MUC7: variants seen among roughly 807,000 people sequenced by gnomAD.
MUC7 encodes the protein mucin-7.
Under a neutral mutation model 2.5 loss-of-function variants are expected in MUC7, and 2 were observed. The ratio of observed to expected loss-of-function variants is 0.81; its 90% confidence interval spans 0.33 to 2.55. The LOEUF (loss-of-function observed/expected upper bound fraction) is 2.55. Among genes scored for constraint, MUC7 ranks in the 30% most tolerant of loss-of-function variants. The pLI, the probability that MUC7 is intolerant of heterozygous loss-of-function variation, is 0.11. For synonymous variants in MUC7, 133 were observed against 173.4 expected (o/e 0.77, Z 1.83); for missense variants, 408 against 455.6 (o/e 0.90, Z 0.95).
In MUC7 at chr4:70,482,640, A is replaced by G. The variant is rs897077331; in HGVS notation, c.*762A>G. On this transcript the variant is annotated 3_prime_UTR_variant, in exon 3 of 3. Transcript: ENST00000304887. ...CTGATTCTAGCCTCTGTGAACAACA[A>G]GAATATGTTTGTGTATGTTCACATG... The G allele has an allele frequency of 5.3e-5, 8 of 152,250 alleles. No individual in the cohort carries two copies. The highest frequency in any genetic ancestry group is 1.0e-4 in the Non-Finnish European group (7 of 68,046). The allele number at this position is 152,250 out of a possible 1,614,324, so 9.4% of individuals were successfully genotyped here.
upstream of MUC7, among the ~76,000 whole-genome samples, chr4:70,471,710 T>A (rs1051579626): frequency 6.6e-6 from 1 of 152,232 alleles, no homozygotes; most frequent in African/African-American, 2.4e-5. Flanking sequence ...TATTTAAAAA[T>A]TCAGTGTTGA....
rs548652385 is a variant in MUC7 at position 70,445,866 on chromosome 4, A to T, written c.-93+15179A>T. 9.8e-5 allele frequency among the ~76,000 whole-genome samples: 15 copies of T among 152,362 alleles called. 1 individual carries two copies. In the South Asian group the frequency reaches 3.1e-3, roughly 32 times the overall value. On this transcript the variant is annotated intron_variant, in intron 1 of 3. Transcript: ENST00000413702. ...TTCAAGGAGAATGAATGTACAACGG[A>T]ACAACTGCCAAGTTTCATCAGGAGC...
chr4:70,467,843 T>C (rs1412815692), upstream of MUC7, among the ~76,000 whole-genome samples: 2 of 152,160 alleles, frequency 1.3e-5, no homozygotes, highest in Non-Finnish European at 2.9e-5. Flanking sequence ...AAAGAGAAGA[T>C]GGTACCATTC....
chr4:70,453,509 C>T (rs1445136315), intron 1 of MUC7, among the ~76,000 whole-genome samples: 2 of 152,182 alleles, frequency 1.3e-5, no homozygotes, highest in African/African-American at 2.4e-5. Flanking sequence ...CTGGGACTCA[C>T]CCTTCAGGGC....
In MUC7 at chr4:70,464,625, C is replaced by G. The variant is rs1015542088; in HGVS notation, c.-92-7590C>G. ...TTTTCCCCTCACAGTGTAAAAAAAGCCACCAAGAGTTTGAACTGCATGGAG... is the reference window on the plus strand; with the variant it reads ...TTTTCCCCTCACAGTGTAAAAAAAGGCACCAAGAGTTTGAACTGCATGGAG... On this transcript the variant is annotated intron_variant, in intron 1 of 3. Transcript: ENST00000413702. 3.3e-5 allele frequency among the ~76,000 whole-genome samples: 5 copies of G among 152,102 alleles called. No homozygotes were observed. In the East Asian group the frequency reaches 9.7e-4, roughly 29 times the overall value.
chr4:70,451,317 G>A (rs991317475), intron 1 of MUC7, among the ~76,000 whole-genome samples: 1 of 152,184 alleles, frequency 6.6e-6, no homozygotes, highest in Non-Finnish European at 1.5e-5. Context: ...TGACTGCCAG[G>A]GCTAGGGCAG....
At chr4:70,435,030 T>C (rs908855730) in intron 1 of MUC7, among the ~76,000 whole-genome samples, 4 of 152,244 alleles carry the variant, frequency 2.6e-5, no homozygotes, top group Non-Finnish European at 5.9e-5. Context: ...AGTGAGTTTC[T>C]TAATCCTGAG....
intron 1 of MUC7, among the ~76,000 whole-genome samples, chr4:70,460,448 T>C (rs1352770329): frequency 1.4e-5 from 2 of 146,684 alleles, no homozygotes; most frequent in Non-Finnish European, 3.0e-5. Context: ...GTGAATAATA[T>C]ACATGAAAGT....
At chr4:70,445,217 A>G (rs1263253522) in intron 1 of MUC7, among the ~76,000 whole-genome samples, 1 of 152,122 alleles carries the variant, frequency 6.6e-6, no homozygotes, top group African/African-American at 2.4e-5. Flanking sequence ...AATGATCACA[A>G]CTGTGTCTGG....
At chr4:70,461,195 T>C (rs1734548351) in intron 1 of MUC7, among the ~76,000 whole-genome samples, 1 of 152,206 alleles carries the variant, frequency 6.6e-6, no homozygotes, top group Admixed American at 6.5e-5. Flanking sequence ...AGATGTTCTA[T>C]TTGAGGTGTG....
Position 70,481,524 on chromosome 4 carries a change from C to T in MUC7, c.780C>T (p.Val260=). The change falls in exon 3 of 3, where the codon GTC becomes GTT. Residue 260 remains valine, a synonymous_variant. Transcript: ENST00000304887. ...CAGCTCCACCAGAGACCACAGCTGTCCCACCCACACCTTCTGCAACTACCC... is the reference window on the plus strand; with the variant it reads ...CAGCTCCACCAGAGACCACAGCTGTTCCACCCACACCTTCTGCAACTACCC... ...SSSAPPETTA[V]PPTPSATTLD... The T allele has an allele frequency of 6.2e-7, 1 of 1,610,358 alleles. No homozygotes were observed. The highest frequency in any genetic ancestry group is 8.5e-7 in the Non-Finnish European group (1 of 1,179,228).
rs200899110 is a variant in MUC7 at position 70,481,056 on chromosome 4, C to T, written c.312C>T (p.Thr104=). The T allele has an allele frequency of 3.7e-6, 6 of 1,614,124 alleles. No homozygotes were observed. In the East Asian group the frequency reaches 1.1e-4, roughly 30 times the overall value. Residue 104 remains threonine, a synonymous_variant, in exon 3 of 3, where the codon ACC becomes ACT. Transcript: ENST00000304887. The part of the protein sequence containing the change: ...PDKNSSVVNP[T]LVATTQIPSV... Reference sequence around the variant, plus strand: ...AAAATAGCAGTGTGGTCAACCCTACCTTAGTGGCTACAACCCAAATTCCAT... The same window carrying T: ...AAAATAGCAGTGTGGTCAACCCTACTTTAGTGGCTACAACCCAAATTCCAT...
At chr4:70,431,462 T>G (rs1403896907) in intron 1 of MUC7, among the ~76,000 whole-genome samples, 2 of 152,080 alleles carry the variant, frequency 1.3e-5, no homozygotes, top group Non-Finnish European at 2.9e-5. Flanking sequence ...GAGCATATGA[T>G]TTTCATTCCT....
intron 1 of MUC7, among the ~76,000 whole-genome samples, chr4:70,445,952 A>G (rs905612033): frequency 2.0e-5 from 3 of 152,200 alleles, no homozygotes; most frequent in African/African-American, 7.2e-5. Context: ...CTGTATGTTC[A>G]AATGAATCAA....
intron 2 of MUC7, among the ~76,000 whole-genome samples, chr4:70,477,497 C>T (rs1735037772): frequency 6.6e-6 from 1 of 152,188 alleles, no homozygotes; most frequent in Non-Finnish European, 1.5e-5. Context: ...CTTCCTTCCT[C>T]AGAGAATTTG....
intron 1 of MUC7, among the ~76,000 whole-genome samples, chr4:70,464,851 G>A (rs536230017): frequency 7.2e-5 from 11 of 152,158 alleles, no homozygotes; most frequent in South Asian, 2.1e-4. Flanking sequence ...CCCGCCTGCC[G>A]GCTCTGAAGA....
chr4:70,481,213 G>A lies in MUC7; in HGVS notation c.469G>A (p.Val157Met). The change falls in exon 3 of 3, where the codon GTG becomes ATG. Residue 157 changes from valine to methionine, a missense_variant. Val to Met is a conservative substitution (Grantham distance 21, BLOSUM62 1). Around this residue, in one of 3 missense-constraint regions of MUC7, gnomAD observed 225 missense variants for 240.5 expected, o/e 0.94. Coordinates refer to ENST00000304887, the MANE Select transcript of MUC7 (RefSeq NM_152291.3). ...CTCTTCTGTAGCTACATTAGCACCA[G>A]TGAATTCCCCAGCTCCACAAGACAC... Reference protein sequence around the residue: ...TSSSVATLAPVNSPAPQDTTA... With the variant: ...TSSSVATLAPMNSPAPQDTTA... 6.2e-7 allele frequency: 1 copy of A among 1,614,094 alleles called. No individual in the cohort carries two copies. The highest frequency in any genetic ancestry group is 8.5e-7 in the Non-Finnish European group (1 of 1,179,998).
intron 1 of MUC7, among the ~76,000 whole-genome samples, chr4:70,458,379 A>G (rs1734464012): frequency 6.6e-6 from 1 of 152,134 alleles, no homozygotes; most frequent in Non-Finnish European, 1.5e-5. Flanking sequence ...GGATATTGGT[A>G]ATGTTCTAGT....
chr4:70,470,148 AAC>A (rs1734795290), upstream of MUC7, among the ~76,000 whole-genome samples: 1 of 152,210 alleles, frequency 6.6e-6, no homozygotes, highest in Non-Finnish European at 1.5e-5. Flanking sequence ...TCAGCAAACT[AAC>A]ACAGGAACAG....
Sources: gnomAD v4.1 joint callset for allele counts (sites outside exome capture counted in the v4.1 genomes callset) on GRCh38, gnomAD v4.1.1 for gene constraint, gnomAD v4.1.1 regional missense constraint, MANE v1.5 for transcripts, NCBI Gene and HGNC (gene_info 2026-07-23, HGNC 2026-07-21) for gene names.